Variants in DFFB observed in about 807,000 individuals in gnomAD.
DFFB encodes DNA fragmentation factor 40 kDa subunit.
In DFFB, 29 loss-of-function variants were observed where a neutral mutation model predicts 32.7. That is an observed-to-expected ratio of 0.89 (90% CI 0.66 to 1.21). The LOEUF (loss-of-function observed/expected upper bound fraction) is 1.21. DFFB is among the 50% of genes most tolerant of loss of function. The probability of loss-of-function intolerance (pLI) is 0.00; values close to 1 mark genes in which losing one functional copy is unlikely to be tolerated. For synonymous variants in DFFB, 170 were observed against 177.1 expected, an observed-to-expected ratio of 0.96 and a Z score of 0.32; for missense variants, 398 against 440.6, an observed-to-expected ratio of 0.90 and a Z score of 0.87.
At chr1:3,867,354 C>G (rs1025702240) in intron 3 of DFFB, among the ~76,000 whole-genome samples, 7 of 152,212 alleles carry the variant, frequency 4.6e-5, no homozygotes, top group Non-Finnish European at 5.9e-5. Context: ...AGATACCACA[C>G]TGTCTATTCA....
At chr1:3,866,582 A>G (rs1644985144) in intron 3 of DFFB, among the ~76,000 whole-genome samples, 1 of 152,042 alleles carries the variant, frequency 6.6e-6, no homozygotes, top group Non-Finnish European at 1.5e-5. Context: ...ATATGACATA[A>G]AATTTACCTT....
In DFFB at chr1:3,868,041, T is replaced by C. The variant is rs762598482; in HGVS notation, c.498T>C (p.Ser166=). ...ACAGCTGTGAGAGCCGGATCCGGAG[T>C]TACCTGAGGGAGGTGAGCCTGAGTG... is the stretch of plus-strand genomic sequence containing the variant. ...LRYSCESRIR[S]YLREVSSYPS... The change falls in exon 4 of 7, where the codon AGT becomes AGC. Residue 166 remains serine (S), a synonymous_variant. Transcript: ENST00000378209. 1 of 1,613,752 alleles carries C rather than the reference T, an allele frequency of 6.2e-7. No homozygotes were observed. Among genetic ancestry groups the C allele is most frequent in the Non-Finnish European group, 8.5e-7 (1 of 1,179,950 alleles).
At chr1:3,861,708 G>C (rs972127652) in intron 2 of DFFB, among the ~76,000 whole-genome samples, 3 of 152,224 alleles carry the variant, frequency 2.0e-5, no homozygotes, top group Admixed American at 1.3e-4. Flanking sequence ...GATTACAGGC[G>C]TGAGCCACCG....
intron 2 of DFFB, among the ~76,000 whole-genome samples, chr1:3,863,268 G>A (rs1044785563): frequency 1.3e-5 from 2 of 152,200 alleles, no homozygotes; most frequent in Admixed American, 6.5e-5. Flanking sequence ...TCAAGTGGTC[G>A]TAAGCACAGG....
At chr1:3,876,632 G>T (rs897220770) in intron 6 of DFFB, among the ~76,000 whole-genome samples, 1 of 152,232 alleles carries the variant, frequency 6.6e-6, no homozygotes, top group Non-Finnish European at 1.5e-5. Flanking sequence ...TAAAATGCAT[G>T]CTGTCCCCCT....
chr1:3,868,832 G>C (rs1032415800), intron 4 of DFFB, among the ~76,000 whole-genome samples: 4 of 152,178 alleles, frequency 2.6e-5, no homozygotes, highest in Non-Finnish European at 4.4e-5. Context: ...CCACGCCCTC[G>C]GCCCACTCCT....
At chr1:3,872,652 C>T in intron 6 of DFFB, 80 bp downstream of exon 6, 1 of 1,271,284 alleles carries the variant, frequency 7.9e-7, no homozygotes, top group South Asian at 1.2e-5. Context: ...CTGCCATGGC[C>T]CTGTCCCTGC....
At chr1:3,867,919 C>A in intron 3 of DFFB, 55 bp from the exon 4 acceptor site, 1 of 1,560,060 alleles carries the variant, frequency 6.4e-7, no homozygotes, top group Non-Finnish European at 8.8e-7. Context: ...GGACACAGAC[C>A]CAGAGGCCCC....
Position 3,869,703 on chromosome 1 carries a change from T to G in DFFB, c.609T>G (p.Asn203Lys), listed in dbSNP as rs771108167. The change falls in exon 5 of 7, where the codon AAT becomes AAG. Residue 203 changes from asparagine to lysine, a missense_variant. Physicochemically the swap from Asn to Lys is moderately conservative, Grantham distance 94. Coordinates refer to ENST00000378209, the MANE Select transcript of DFFB (RefSeq NM_004402.4). ...MCQRLRSMQY[N>K]GSYFDRGAKG... ...AGAGGCTCCGGTCCATGCAGTACAA[T>G]GGCAGCTACTTCGACAGAGGAGCCA... is the stretch of plus-strand genomic sequence containing the variant. The G allele has an allele frequency of 6.2e-7, 1 of 1,612,864 alleles. No homozygotes were observed. Among genetic ancestry groups the G allele is most frequent in the Non-Finnish European group, 8.5e-7 (1 of 1,179,528 alleles).
At chr1:3,867,837 A>C (rs1329966038) in intron 3 of DFFB, 137 bp from the exon 4 acceptor site, 5 of 775,972 alleles carry the variant, frequency 6.4e-6, no homozygotes, top group Non-Finnish European at 1.1e-5. Flanking sequence ...TGGAGGACAG[A>C]GCAAGACCCT....
rs957646397 is a variant in DFFB, at chr1:3,873,709, C to T, written c.782+1137C>T. Among the ~76,000 whole-genome samples the T allele has an allele frequency of 9.9e-5, 15 of 152,212 alleles. No homozygotes were observed. The South Asian group carries it at 1.2e-3, about 13-fold the overall frequency. ...GGTCAGGCTGGTCTTGAACTCCTGA[C>T]CTCAGGTGATCCGCCCGCCTCAGTC... On this transcript the variant is annotated intron_variant, in intron 6 of 6. Transcript: ENST00000378209.
At chr1:3,862,814 G>A (rs1273664391) in intron 2 of DFFB, among the ~76,000 whole-genome samples, 1 of 152,142 alleles carries the variant, frequency 6.6e-6, no homozygotes, top group Admixed American at 6.5e-5. Context: ...CCAAAAACAT[G>A]AGCAGCAGAA....
chr1:3,881,652 A>C (rs1645340027), intron 6 of DFFB, among the ~76,000 whole-genome samples: 1 of 152,132 alleles, frequency 6.6e-6, no homozygotes, highest in Admixed American at 6.5e-5. Context: ...CAAGGTCAGG[A>C]GTTCAAGGCC....
At position 3,865,097 on chromosome 1, in the gene DFFB, T is replaced by A. The variant is rs1173712058; in HGVS notation, c.242-715T>A. Among the ~76,000 whole-genome samples, 2 of 151,126 alleles carry A rather than the reference T, an allele frequency of 1.3e-5. No individual in the cohort carries two copies. Among genetic ancestry groups the A allele is most frequent in the African/African-American group, 4.9e-5 (2 of 41,010 alleles). On this transcript the variant is annotated intron_variant, in intron 2 of 6. Coordinates refer to ENST00000378209, the MANE Select transcript of DFFB (RefSeq NM_004402.4). The surrounding 1 kb of genome is among the most constrained non-coding windows in gnomAD (Gnocchi z 4.7). The stretch of plus-strand genomic sequence containing the variant: ...CATTTTTTTTTTTGCGGAGTAAGAG[T>A]TTTTAGTTTTGAGGAAGCTCAGTGT...
At chr1:3,878,154 C>CTTTT (rs60515976) in intron 6 of DFFB, among the ~76,000 whole-genome samples, 2 of 141,788 alleles carry the variant, frequency 1.4e-5, no homozygotes, top group African/African-American at 5.2e-5. Context: ...CAGTGAATAT[C>CTTTT]TTTTTTTTTT....
At position 3,857,573 on chromosome 1, in the gene DFFB, G is replaced by A. The variant is rs745817664; in HGVS notation, c.-31G>A. The A allele has an allele frequency of 2.0e-6, 3 of 1,486,374 alleles. No homozygotes were observed. The highest frequency in any genetic ancestry group is 2.7e-6 in the Non-Finnish European group (3 of 1,108,334). 92.1% of individuals were successfully genotyped at this position (1,486,374 alleles called of 1,614,324 possible). On this transcript the variant is annotated 5_prime_UTR_variant, in exon 1 of 7. In the 5' UTR this introduces an upstream ATG that the reference lacks. Transcript: ENST00000378209. ...AGCTGGGCAGCAGGTGCCACCGCCT[G>A]TGGGACCCAGAGGGCTTGAGGACAT...
intron 6 of DFFB, 34 bp from the exon 7 acceptor site, chr1:3,883,473 C>T: frequency 6.2e-7 from 1 of 1,601,172 alleles, no homozygotes; most frequent in Non-Finnish European, 8.5e-7. Context: ...GCACTGTGAC[C>T]ACAGAAAATG....
chr1:3,880,500 C>T (rs1235267110), intron 6 of DFFB, among the ~76,000 whole-genome samples: 1 of 152,204 alleles, frequency 6.6e-6, no homozygotes, highest in African/African-American at 2.4e-5. Flanking sequence ...GAGTGAGGGT[C>T]CTTGTGGACT....
intron 6 of DFFB, among the ~76,000 whole-genome samples, chr1:3,882,824 GCT>G (rs1645367208): frequency 6.6e-6 from 1 of 152,144 alleles, no homozygotes; most frequent in Non-Finnish European, 1.5e-5. Context: ...CCTTTGTAAG[GCT>G]CTGTTTGTAA....
Sources: allele counts gnomAD v4.1 joint callset (sites outside exome capture counted in the v4.1 genomes callset), GRCh38; gene constraint gnomAD v4.1.1; non-coding constraint Gnocchi (gnomAD v3.1); transcripts MANE v1.5; gene names NCBI Gene and HGNC (gene_info 2026-07-23, HGNC 2026-07-21).